The following PTPN22 variants were observed in gnomAD, a reference collection of about 807,000 sequenced individuals.
PTPN22 encodes protein tyrosine phosphatase non-receptor type 22.
In PTPN22, 85 loss-of-function variants were observed where a neutral mutation model predicts 103.3. The observed-to-expected ratio is 0.82, with a 90% confidence interval of 0.69 to 0.99. The LOEUF (loss-of-function observed/expected upper bound fraction) is 0.99, where lower values mean the gene tolerates loss of function less well. Ranked by LOEUF, PTPN22 falls within the 50% of genes least tolerant of loss-of-function variation. The pLI, the probability that PTPN22 is intolerant of heterozygous loss-of-function variation, is 0.00. For synonymous variants in PTPN22, 323 were observed against 310.2 expected (o/e 1.04, Z -0.43); for missense variants, 865 against 936.9 (o/e 0.92, Z 1.00).
chr1:113,870,323 G>A (rs1472855139), intron 1 of PTPN22, among the ~76,000 whole-genome samples: 1 of 152,094 alleles, frequency 6.6e-6, no homozygotes, highest in Non-Finnish European at 1.5e-5. Context: ...TTTAATTTCA[G>A]GTTTGTACTT....
At chr1:113,825,983 G>A (rs1487411631) in intron 18 of PTPN22, among the ~76,000 whole-genome samples, 2 of 152,036 alleles carry the variant, frequency 1.3e-5, no homozygotes, top group East Asian at 3.9e-4. Flanking sequence ...AAAGTGCTGG[G>A]ATTACAGGCG....
Position 113,844,595 on chromosome 1 carries a change from G to A in PTPN22, c.915+3945C>T, listed in dbSNP as rs991501052. 7.2e-5 allele frequency among the ~76,000 whole-genome samples: 11 copies of A among 152,122 alleles called. 1 individual carries two copies. The highest frequency in any genetic ancestry group is 1.5e-4 in the Non-Finnish European group (10 of 68,026). On this transcript the variant is annotated intron_variant, in intron 11 of 20. Transcript: ENST00000359785. ...ATTGAGACCTATACTGTTTTCTAAT[G>A]GATGCACTTAGTGCTATAAAGTTCC...
intron 20 of PTPN22, among the ~76,000 whole-genome samples, chr1:113,817,961 T>C (rs1661293556): frequency 6.9e-6 from 1 of 145,196 alleles, no homozygotes; most frequent in Admixed American, 6.9e-5. Flanking sequence ...CTTTTTTCCT[T>C]TTTTTTTTTT....
intron 1 of PTPN22, among the ~76,000 whole-genome samples, chr1:113,864,659 T>C (rs975573121): frequency 1.4e-5 from 2 of 147,646 alleles, no homozygotes; most frequent in Non-Finnish European, 3.0e-5. Context: ...CTCACGCCTA[T>C]AATCACTTTG....
At chr1:113,828,048 A>AT (rs1662239808) in intron 18 of PTPN22, among the ~76,000 whole-genome samples, 1 of 152,172 alleles carries the variant, frequency 6.6e-6, no homozygotes, top group African/African-American at 2.4e-5. Context: ...ATGCTCATTT[A>AT]TTTTCTTCAA....
exon 21 of PTPN22, chr1:113,814,836 T>C (rs1378522409): frequency 8.7e-7 from 1 of 1,150,190 alleles, no homozygotes; most frequent in Non-Finnish European, 1.3e-6. Context: ...TTATTTTAAC[T>C]AGCAGTATTC....
chr1:113,823,901 G>A (rs1661823134), intron 19 of PTPN22, among the ~76,000 whole-genome samples: 1 of 152,150 alleles, frequency 6.6e-6, no homozygotes, highest in African/African-American at 2.4e-5. Flanking sequence ...GGCAGTGATA[G>A]CAAACTAGCT....
chr1:113,817,219 T>C (rs761113121), intron 20 of PTPN22, among the ~76,000 whole-genome samples: 2 of 152,166 alleles, frequency 1.3e-5, no homozygotes, highest in South Asian at 2.1e-4. Flanking sequence ...TAAGGACATA[T>C]GTTAGTATTG....
At chr1:113,837,234 G>T (rs375341812) in intron 13 of PTPN22, among the ~76,000 whole-genome samples, 1 of 151,954 alleles carries the variant, frequency 6.6e-6, no homozygotes, top group African/African-American at 2.4e-5. Flanking sequence ...GGCAGATCAC[G>T]AAGTCAAGAG....
At chr1:113,866,760 G>A (rs1666156383) in intron 1 of PTPN22, among the ~76,000 whole-genome samples, 1 of 152,044 alleles carries the variant, frequency 6.6e-6, no homozygotes, top group Admixed American at 6.6e-5. Context: ...GTTTTCATGT[G>A]TGTGTATGAC....
chr1:113,852,515 A>G (rs554419923), intron 9 of PTPN22, among the ~76,000 whole-genome samples: 1 of 152,368 alleles, frequency 6.6e-6, no homozygotes, highest in East Asian at 1.9e-4. Context: ...GTATGATTGC[A>G]GTAAGTTGAG....
At chr1:113,858,215 T>A (rs1002011983) in intron 4 of PTPN22, among the ~76,000 whole-genome samples, 2 of 151,784 alleles carry the variant, frequency 1.3e-5, no homozygotes, top group African/African-American at 4.8e-5. Context: ...ACACCACCAC[T>A]CCCAGCTAAT....
intron 11 of PTPN22, among the ~76,000 whole-genome samples, chr1:113,848,270 T>C (rs1664268742): frequency 6.6e-6 from 1 of 151,864 alleles, no homozygotes; most frequent in Non-Finnish European, 1.5e-5. Flanking sequence ...GGTCTTGAAC[T>C]CCTGACCTCA....
At chr1:113,827,425 C>T (rs1662180974) in intron 18 of PTPN22, among the ~76,000 whole-genome samples, 1 of 151,890 alleles carries the variant, frequency 6.6e-6, no homozygotes, top group African/African-American at 2.4e-5. Flanking sequence ...TAAGTAAATA[C>T]ACATATGTAT....
exon 13 of PTPN22, chr1:113,838,219 G>A (rs549521798): frequency 1.2e-6 from 2 of 1,614,100 alleles, no homozygotes; most frequent in East Asian, 2.2e-5. Context: ...CCATTTCATG[G>A]TTGTGTCAGC....
intron 13 of PTPN22, 81 bp downstream of exon 13, chr1:113,837,509 G>C (rs140495622): frequency 1.0e-6 from 1 of 969,448 alleles, no homozygotes; most frequent in African/African-American, 1.7e-5. Context: ...GAGGAGAAGA[G>C]GGAAGAGGAG....
intron 11 of PTPN22, among the ~76,000 whole-genome samples, chr1:113,844,033 C>T (rs996420189): frequency 2.0e-5 from 3 of 151,998 alleles, no homozygotes; most frequent in Admixed American, 2.0e-4. Flanking sequence ...GAGTTCAAGA[C>T]CAGCCTGGAC....
At chr1:113,856,752 C>T in intron 5 of PTPN22, 133 bp from the exon 6 acceptor site, 1 of 1,105,710 alleles carries the variant, frequency 9.0e-7, no homozygotes, top group Non-Finnish European at 1.3e-6. Flanking sequence ...GGGCTTCAAC[C>T]CCTACATTAT....
At chr1:113,858,643 C>CTT (rs371112671) in intron 3 of PTPN22, 70 bp from the exon 4 acceptor site, 3,695 of 694,904 alleles carry the variant, frequency 5.3e-3, no homozygotes, top group South Asian at 0.01. Flanking sequence ...CCTCCGCTTC[C>CTT]TTTTTTTTTT....
Sources: allele counts gnomAD v4.1 joint callset (sites outside exome capture counted in the v4.1 genomes callset), GRCh38; gene constraint gnomAD v4.1.1; transcripts MANE v1.5; gene names NCBI Gene and HGNC (gene_info 2026-07-23, HGNC 2026-07-21).